Variants in JAK1 observed in about 807,000 individuals in gnomAD.
JAK1 encodes Janus kinase 1, also known as tyrosine-protein kinase JAK1.
A neutral mutation model predicts 136.6 loss-of-function variants in JAK1; 16 were observed. The observed-to-expected ratio is 0.12, with a 90% confidence interval of 0.08 to 0.18. The LOEUF (loss-of-function observed/expected upper bound fraction) is 0.18. Ranked by LOEUF, JAK1 falls within the 10% of genes least tolerant of loss-of-function variation. JAK1 has a pLI of 1.00. For missense variants in JAK1, 859 were observed against 1,450.1 expected, an observed-to-expected ratio of 0.59 and a Z score of 6.62; for synonymous variants, 492 against 519.5, an observed-to-expected ratio of 0.95 and a Z score of 0.72.
chr1:64,977,864 A>C (rs1389988582), intron 2 of JAK1, among the ~76,000 whole-genome samples: 1 of 148,674 alleles, frequency 6.7e-6, no homozygotes, highest in African/African-American at 2.6e-5. Context: ...TGGGATCTTG[A>C]GCAAGATACT....
chr1:64,838,919 G>A (rs1557619768), intron 20 of JAK1, among the ~76,000 whole-genome samples: 1 of 151,970 alleles, frequency 6.6e-6, no homozygotes, highest in Non-Finnish European at 1.5e-5. Flanking sequence ...GCCGAGGCGG[G>A]CGGATCACGA....
At chr1:64,887,083 T>C (rs1644863857) in intron 1 of JAK1, among the ~76,000 whole-genome samples, 1 of 152,072 alleles carries the variant, frequency 6.6e-6, no homozygotes, top group South Asian at 2.1e-4. Context: ...GGCCTTACAA[T>C]AGAAGGTTGG....
chr1:64,887,053 C>T (rs1644863360), intron 1 of JAK1, among the ~76,000 whole-genome samples: 2 of 152,124 alleles, frequency 1.3e-5, no homozygotes, highest in African/African-American at 2.4e-5. Flanking sequence ...TCTGAGGCCA[C>T]GAGGCCAGCA....
chr1:64,933,909 T>C (rs768555639), intron 1 of JAK1, among the ~76,000 whole-genome samples: 5 of 152,192 alleles, frequency 3.3e-5, no homozygotes, highest in African/African-American at 4.8e-5. Context: ...CTGTGGTCCT[T>C]AGAATTTTCA....
chr1:64,835,344 C>T (rs1332142181), intron 24 of JAK1, 52 bp downstream of exon 24: 7 of 1,007,168 alleles, frequency 7.0e-6, no homozygotes, highest in Middle Eastern at 2.1e-4. Context: ...ACTCAAGCTG[C>T]GAAAACATAA....
At chr1:65,052,527 A>G (rs1647323475) in intron 1 of JAK1, among the ~76,000 whole-genome samples, 1 of 151,972 alleles carries the variant, frequency 6.6e-6, no homozygotes, top group Non-Finnish European at 1.5e-5. Context: ...AAAATACAAA[A>G]TCAGGCTGGG....
At chr1:64,931,012 A>AG (rs1399405889) in intron 1 of JAK1, among the ~76,000 whole-genome samples, 1 of 143,572 alleles carries the variant, frequency 7.0e-6, no homozygotes, top group African/African-American at 2.5e-5. Context: ...GTGGGGGACT[A>AG]GGGGTGGGAT....
At chr1:64,908,480 G>A (rs954048027) in intron 1 of JAK1, among the ~76,000 whole-genome samples, 6 of 152,136 alleles carry the variant, frequency 3.9e-5, no homozygotes, top group South Asian at 2.1e-4. Flanking sequence ...GTTTTACTAC[G>A]TAGATTGAAA....
intron 1 of JAK1, among the ~76,000 whole-genome samples, chr1:64,938,303 A>G (rs376510623): frequency 2.9e-4 from 44 of 152,300 alleles, no homozygotes; most frequent in African/African-American, 1.0e-3. Flanking sequence ...GTGTGATTTT[A>G]TGTCTTCAGT....
Position 64,984,419 on chromosome 1 carries a change from A to G in JAK1, c.-78+60061T>C, listed in dbSNP as rs1000757795. Among the ~76,000 whole-genome samples, 3 of 152,214 alleles carry G rather than the reference A, an allele frequency of 2.0e-5. No homozygotes were observed. Among genetic ancestry groups the G allele is most frequent in the African/African-American group, 7.2e-5 (3 of 41,462 alleles). On this transcript the variant is annotated intron_variant, in intron 2 of 25. Transcript: ENST00000671954. The surrounding 1 kb of genome is among the most constrained non-coding windows in gnomAD (Gnocchi z 4.1). ...GTTCACTTGGTCTCTCCTACGCAGA[A>G]GAGAATGTCCAAGAAATGAAATATT...
chr1:64,968,793 G>A (rs1200618298), upstream of JAK1, among the ~76,000 whole-genome samples: 2 of 152,134 alleles, frequency 1.3e-5, no homozygotes, highest in Admixed American at 6.5e-5. Flanking sequence ...TTAGCTGGAC[G>A]TGGTGGCGGG....
intron 1 of JAK1, among the ~76,000 whole-genome samples, chr1:64,931,619 G>C (rs1257426991): frequency 6.6e-6 from 1 of 152,008 alleles, no homozygotes; most frequent in African/African-American, 2.4e-5. Context: ...AGCATTCAGA[G>C]GCCTCAACCT....
chr1:65,055,685 T>C (rs568502081), intron 1 of JAK1, among the ~76,000 whole-genome samples: 2 of 152,328 alleles, frequency 1.3e-5, no homozygotes, highest in South Asian at 4.1e-4. Context: ...CACTTCTCTC[T>C]TAACCTGCTG....
chr1:64,880,566 G>A (rs537357884), intron 3 of JAK1, among the ~76,000 whole-genome samples: 1 of 152,230 alleles, frequency 6.6e-6, no homozygotes, highest in South Asian at 2.1e-4. Context: ...CCCATAAACA[G>A]AAAGATCAAA....
intron 8 of JAK1, among the ~76,000 whole-genome samples, chr1:64,862,470 G>T (rs1364662555): frequency 2.6e-5 from 4 of 152,198 alleles, no homozygotes; most frequent in African/African-American, 4.8e-5. Flanking sequence ...GGCTAGCGTG[G>T]TAAAGAAAAA....
intron 12 of JAK1, among the ~76,000 whole-genome samples, chr1:64,848,542 T>C (rs1012365655): frequency 2.6e-5 from 4 of 152,160 alleles, no homozygotes; most frequent in Non-Finnish European, 5.9e-5. Flanking sequence ...TACCCCCAGA[T>C]GAGTGGCAGG....
intron 3 of JAK1, 108 bp from the exon 4 acceptor site, chr1:64,879,256 A>G (rs1644731910): frequency 7.5e-7 from 1 of 1,334,348 alleles, no homozygotes; most frequent in Admixed American, 1.9e-5. Flanking sequence ...TCCACAAAGA[A>G]TCTGGGTCAC....
At chr1:65,038,938 TTGTGTGTGTG>T (rs150814115) in intron 2 of JAK1, among the ~76,000 whole-genome samples, 1 of 147,854 alleles carries the variant, frequency 6.8e-6, no homozygotes, top group Non-Finnish European at 1.5e-5. Flanking sequence ...GCACCCAGTC[TTGTGTGTGTG>T]TGTGTGTGTG....
chr1:64,903,183 C>T (rs530898691), intron 1 of JAK1, among the ~76,000 whole-genome samples: 24 of 152,238 alleles, frequency 1.6e-4, no homozygotes, highest in Non-Finnish European at 3.1e-4. Flanking sequence ...TGCACCACCA[C>T]GCCTGGTTAA....
Sources: gnomAD v4.1 joint callset for allele counts (sites outside exome capture counted in the v4.1 genomes callset) on GRCh38, gnomAD v4.1.1 for gene constraint, Gnocchi (gnomAD v3.1) non-coding constraint, MANE v1.5 for transcripts, NCBI Gene and HGNC (gene_info 2026-07-23, HGNC 2026-07-21) for gene names.